Variants in ANKFN1 observed in about 807,000 individuals in gnomAD.
ANKFN1 encodes ankyrin repeat and fibronectin type III domain containing 1, also known as ankyrin repeat and fibronectin type-III domain-containing protein 1.
In ANKFN1, 74 loss-of-function variants were observed where a neutral mutation model predicts 108.7. The ratio of observed to expected loss-of-function variants is 0.68; its 90% CI spans 0.56 to 0.83. The LOEUF is 0.83. Ranked by LOEUF, ANKFN1 falls within the 40% of genes least tolerant of loss-of-function variation. ANKFN1 has a pLI of 0.00. For synonymous variants in ANKFN1, 547 were observed against 516.2 expected, an observed-to-expected ratio of 1.06 and a Z score of -0.81; for missense variants, 1,505 against 1,382.3, an observed-to-expected ratio of 1.09 and a Z score of -1.41.
chr17:56,324,963 AAG>A (rs1314472039), intron 3 of ANKFN1, among the ~76,000 whole-genome samples: 1 of 152,130 alleles, frequency 6.6e-6, no homozygotes, highest in African/African-American at 2.4e-5. Context: ...TGTCTCTAGA[AAG>A]GGGGAGAGTT....
chr17:56,188,602 T>TTC lies in ANKFN1; in HGVS notation c.-70-23996_-70-23995insTC, dbSNP rs1471002937. On this transcript the variant is annotated intron_variant, in intron 1 of 20. Coordinates refer to ENST00000682825, the MANE Select transcript of ANKFN1 (RefSeq NM_001370326.1). ...GTGTGTATATATATATATATATATA[T>TTC]ATATATATATATATGAAATATCCAT... 3.0e-5 allele frequency among the ~76,000 whole-genome samples: 4 copies of TTC among 133,220 alleles called. No homozygotes were observed. In the East Asian group the frequency reaches 8.7e-4, roughly 29 times the overall value. 87.4% of individuals were successfully genotyped at this position (133,220 alleles called of 152,430 possible). A position where few individuals can be genotyped will look rare whatever the true frequency, so the allele number is the denominator to read the frequency against.
At chr17:56,499,228 C>CT (rs2051293212) in intron 20 of ANKFN1, 130 bp downstream of exon 20, 1 of 847,180 alleles carries the variant, frequency 1.2e-6, no homozygotes, top group Admixed American at 2.7e-5. Flanking sequence ...GGGTAAGAGT[C>CT]TAACAGCATA....
Position 56,350,182 on chromosome 17 carries a change from C to A in ANKFN1, c.189-584C>A, listed in dbSNP as rs7223694. ...GTAAGCAGGGATGGACCTATGGGTACAAATTCCCCAAATTTATGCATACTG... is the reference window on the plus strand; with the variant it reads ...GTAAGCAGGGATGGACCTATGGGTAAAAATTCCCCAAATTTATGCATACTG... On this transcript the variant is annotated intron_variant, in intron 4 of 20. Transcript: ENST00000682825. 9.8e-3 allele frequency among the ~76,000 whole-genome samples: 1,494 copies of A among 152,226 alleles called. 21 individuals are homozygous for A. The highest frequency in any genetic ancestry group is 0.033 in the African/African-American group (1,385 of 41,534).
intron 3 of ANKFN1, among the ~76,000 whole-genome samples, chr17:56,236,384 T>A (rs959499418): frequency 6.6e-6 from 1 of 152,096 alleles, no homozygotes; most frequent in Non-Finnish European, 1.5e-5. Context: ...TGCTTTGTAG[T>A]TCTCATTGTA....
intron 6 of ANKFN1, among the ~76,000 whole-genome samples, chr17:56,369,370 G>A (rs1413009662): frequency 6.6e-6 from 1 of 151,836 alleles, no homozygotes; most frequent in Non-Finnish European, 1.5e-5. Context: ...ACAAAGAATG[G>A]GCTTGAAACA....
intron 1 of ANKFN1, among the ~76,000 whole-genome samples, chr17:56,162,361 G>A (rs1598161043): frequency 6.6e-6 from 1 of 152,196 alleles, no homozygotes; most frequent in Non-Finnish European, 1.5e-5. Flanking sequence ...AGATCAAGGT[G>A]TCAAGAGGGT....
intron 20 of ANKFN1, among the ~76,000 whole-genome samples, chr17:56,499,987 G>T (rs905756072): frequency 6.6e-6 from 1 of 152,086 alleles, no homozygotes; most frequent in Non-Finnish European, 1.5e-5. Flanking sequence ...TGTCCCATAG[G>T]GGGCAGCATG....
chr17:56,190,830 A>G (rs1912843138), intron 1 of ANKFN1, among the ~76,000 whole-genome samples: 2 of 137,806 alleles, frequency 1.5e-5, no homozygotes, highest in South Asian at 5.0e-4. Flanking sequence ...GTCTCCCATT[A>G]TTAATGTTTG....
At chr17:56,050,787 C>T (rs1567777657) in intron 4 of ANKFN1, among the ~76,000 whole-genome samples, 4 of 152,108 alleles carry the variant, frequency 2.6e-5, no homozygotes, top group South Asian at 4.1e-4. Context: ...ATACTACAAA[C>T]ACCTCTACGC....
chr17:56,482,537 G>T lies in ANKFN1; in HGVS notation c.2260+13G>T. 1 of 1,608,226 alleles carries T rather than the reference G, an allele frequency of 6.2e-7. No homozygotes were observed. Among genetic ancestry groups the T allele is most frequent in the Non-Finnish European group, 8.5e-7 (1 of 1,177,472 alleles). On this transcript the variant is annotated intron_variant, in intron 18 of 20. Coordinates refer to ENST00000682825, the MANE Select transcript of ANKFN1 (RefSeq NM_001370326.1). The stretch of plus-strand genomic sequence containing the variant: ...ATGTTTGAACTTGGTATAGTAGCTT[G>T]TTTCACCTAGAAATATTAACCCAGC...
At chr17:56,150,927 A>G (rs2143438472), upstream of ANKFN1, among the ~76,000 whole-genome samples, 1 of 152,306 alleles carries the variant, frequency 6.6e-6, no homozygotes, top group Non-Finnish European at 1.5e-5. Context: ...TTGGGAAAGG[A>G]TTTGGGACAC....
At chr17:56,079,902 T>A (rs1905225501) in intron 4 of ANKFN1, among the ~76,000 whole-genome samples, 1 of 151,958 alleles carries the variant, frequency 6.6e-6, no homozygotes, top group Non-Finnish European at 1.5e-5. Flanking sequence ...AAAAGACACA[T>A]AAGAGGGCAG....
rs568286066 is a variant in ANKFN1, at chr17:56,238,789, C to T, written c.53+10832C>T. ...AATTTGTAACAATTATTGTGTTTAA[C>T]GAATAGCTTACAAATTCTTGAAAAT... On this transcript the variant is annotated intron_variant, in intron 3 of 20. Coordinates refer to ENST00000682825, the MANE Select transcript of ANKFN1 (RefSeq NM_001370326.1). 1.1e-4 allele frequency among the ~76,000 whole-genome samples: 16 copies of T among 152,180 alleles called. No homozygotes were observed. The East Asian group carries it at 1.7e-3, about 17-fold the overall frequency.
intron 1 of ANKFN1, among the ~76,000 whole-genome samples, chr17:56,163,263 A>G (rs1909848753): frequency 6.6e-6 from 1 of 152,066 alleles, no homozygotes; most frequent in South Asian, 2.1e-4. Flanking sequence ...CATTGTTCAC[A>G]GAGATTTTTC....
At chr17:56,350,702 A>G in intron 4 of ANKFN1, 64 bp from the exon 5 acceptor site, 1 of 1,474,522 alleles carries the variant, frequency 6.8e-7, no homozygotes, top group Non-Finnish European at 9.4e-7. Flanking sequence ...GGAGATGATA[A>G]AATCATATGT....
At chr17:56,452,756 T>C (rs1218598643) in intron 11 of ANKFN1, among the ~76,000 whole-genome samples, 2 of 152,182 alleles carry the variant, frequency 1.3e-5, no homozygotes, top group Non-Finnish European at 2.9e-5. Context: ...TAATTTTCTC[T>C]TTTTATTTTT....
chr17:56,236,716 T>A (rs1459773334), intron 3 of ANKFN1, among the ~76,000 whole-genome samples: 1 of 152,192 alleles, frequency 6.6e-6, no homozygotes, highest in Non-Finnish European at 1.5e-5. Context: ...GGCCAGGACT[T>A]CCAATACTAT....
intron 4 of ANKFN1, among the ~76,000 whole-genome samples, chr17:56,147,007 C>G (rs1402433042): frequency 2.0e-5 from 3 of 152,138 alleles, no homozygotes; most frequent in African/African-American, 7.2e-5. Context: ...AAACATCTCT[C>G]TCAAGTTCAA....
intron 5 of ANKFN1, among the ~76,000 whole-genome samples, chr17:56,353,445 T>C (rs1347506061): frequency 6.6e-6 from 1 of 152,062 alleles, no homozygotes. Context: ...CTATGTTGGC[T>C]AGGCTGGTTT....
Sources: gnomAD v4.1 joint callset for allele counts (sites outside exome capture counted in the v4.1 genomes callset) on GRCh38, gnomAD v4.1.1 for gene constraint, MANE v1.5 for transcripts, NCBI Gene and HGNC (gene_info 2026-07-23, HGNC 2026-07-21) for gene names.